The following TMEM135 variants were observed in gnomAD, a reference collection of about 807,000 sequenced individuals.
TMEM135 encodes transmembrane protein 135.
TMEM135 carries 30 observed loss-of-function variants against 60.3 expected under a neutral mutation model. That is an observed-to-expected ratio of 0.50 (90% CI 0.37 to 0.68). The LOEUF (loss-of-function observed/expected upper bound fraction) is 0.68. Among genes scored for constraint, TMEM135 ranks in the 30% least tolerant of loss-of-function variants. The pLI, the probability that TMEM135 is intolerant of heterozygous loss-of-function variation, is 0.00. For missense variants in TMEM135, 468 were observed against 548.8 expected (o/e 0.85, Z 1.47); for synonymous variants, 190 against 186.7 (o/e 1.02, Z -0.14).
intron 7 of TMEM135, among the ~76,000 whole-genome samples, 200 bp downstream of exon 7, chr11:87,296,023 C>T (rs1006367570): frequency 2.0e-5 from 3 of 152,242 alleles, no homozygotes; most frequent in African/African-American, 7.2e-5. Flanking sequence ...AATTAATCAA[C>T]GACTTCTTTT....
chr11:87,064,955 T>C (rs1220230405), intron 1 of TMEM135, among the ~76,000 whole-genome samples: 4 of 151,396 alleles, frequency 2.6e-5, no homozygotes, highest in African/African-American at 9.7e-5. Context: ...GATTAGCTTT[T>C]TTTTTTTCCC....
At chr11:87,228,073 A>C (rs1169834164) in intron 5 of TMEM135, among the ~76,000 whole-genome samples, 9 of 152,332 alleles carry the variant, frequency 5.9e-5, no homozygotes, top group African/African-American at 2.2e-4. Flanking sequence ...TAATTAAAAT[A>C]ACAATATAAT....
intron 4 of TMEM135, among the ~76,000 whole-genome samples, chr11:87,114,432 A>C (rs1857826744): frequency 6.6e-6 from 1 of 152,176 alleles, no homozygotes; most frequent in Non-Finnish European, 1.5e-5. Flanking sequence ...AAGAAAAACA[A>C]TTACAAGCTC....
chr11:87,311,955 C>T (rs1333413497), intron 10 of TMEM135, among the ~76,000 whole-genome samples: 12 of 151,732 alleles, frequency 7.9e-5, no homozygotes, highest in Admixed American at 5.3e-4. Flanking sequence ...CATTCTTTCA[C>T]TTTTTCTGTC....
chr11:87,258,787 T>C, intron 6 of TMEM135: 1 of 540,940 alleles, frequency 1.8e-6, no homozygotes, highest in East Asian at 3.2e-5. Flanking sequence ...TAATCAGCAG[T>C]TCAAACACAA....
intron 5 of TMEM135, among the ~76,000 whole-genome samples, chr11:87,209,992 A>G (rs776245043): frequency 2.6e-5 from 4 of 152,194 alleles, no homozygotes; most frequent in Non-Finnish European, 4.4e-5. Context: ...CAGAGACACA[A>G]TATACCAGAA....
chr11:87,270,351 G>T (rs1034105550), intron 6 of TMEM135, among the ~76,000 whole-genome samples: 2 of 151,860 alleles, frequency 1.3e-5, no homozygotes, highest in South Asian at 2.1e-4. Context: ...TTAGTTTAAT[G>T]AGATCCCATT....
chr11:87,200,990 T>C (rs530004159), intron 5 of TMEM135, among the ~76,000 whole-genome samples: 158 of 152,364 alleles, frequency 1.0e-3, no homozygotes, highest in African/African-American at 3.4e-3. Context: ...TTTTTGGTGC[T>C]GAATATTAAT....
At chr11:87,265,368 A>G (rs772203207) in intron 6 of TMEM135, among the ~76,000 whole-genome samples, 2 of 152,050 alleles carry the variant, frequency 1.3e-5, no homozygotes, top group Admixed American at 6.5e-5. Flanking sequence ...TCATCCATGA[A>G]GAATACTGGA....
chr11:87,310,468 G>A (rs550235434), intron 10 of TMEM135, among the ~76,000 whole-genome samples: 247 of 152,084 alleles, frequency 1.6e-3, no homozygotes, highest in African/African-American at 5.4e-3. Context: ...AAGTCACTGG[G>A]GGCTTCTAGA....
intron 4 of TMEM135, among the ~76,000 whole-genome samples, chr11:87,136,134 T>A (rs10792908): frequency 0.12 from 18,410 of 151,960 alleles, 1,443 homozygotes; most frequent in African/African-American, 0.21. Flanking sequence ...TGTTTCATAG[T>A]ATCCTCTATA....
At chr11:87,172,609 A>G (rs551158939) in intron 5 of TMEM135, among the ~76,000 whole-genome samples, 4 of 152,158 alleles carry the variant, frequency 2.6e-5, no homozygotes, top group African/African-American at 9.6e-5. Flanking sequence ...TCTATTTCTT[A>G]AAGTTTAACA....
At chr11:87,182,090 A>G (rs1407653715) in intron 5 of TMEM135, among the ~76,000 whole-genome samples, 3 of 151,962 alleles carry the variant, frequency 2.0e-5, no homozygotes, top group Non-Finnish European at 4.4e-5. Flanking sequence ...TAATATTTTT[A>G]TATGTAATAT....
intron 4 of TMEM135, chr11:87,095,654 G>C (rs888061424): frequency 5.1e-6 from 1 of 195,422 alleles, no homozygotes; most frequent in Non-Finnish European, 1.1e-5. Context: ...TTGGATACTA[G>C]GATTTGCAGG....
chr11:87,064,077 A>G (rs2512357), intron 1 of TMEM135, among the ~76,000 whole-genome samples: 48,314 of 151,832 alleles, frequency 0.32, 8,953 homozygotes, highest in East Asian at 0.59. Context: ...TTATATTGTC[A>G]TGAGCAATAT....
chr11:87,073,090 C>T (rs1460242926), intron 3 of TMEM135, among the ~76,000 whole-genome samples: 1 of 152,142 alleles, frequency 6.6e-6, no homozygotes, highest in Admixed American at 6.6e-5. Context: ...GGCTGGAGTG[C>T]AGTTGTGCGA....
intron 5 of TMEM135, among the ~76,000 whole-genome samples, chr11:87,215,307 A>C (rs919744645): frequency 6.6e-6 from 1 of 152,184 alleles, no homozygotes; most frequent in African/African-American, 2.4e-5. Flanking sequence ...AACTACCCCA[A>C]AACTTACTGG....
At chr11:87,088,932 G>A (rs1379838577) in intron 3 of TMEM135, among the ~76,000 whole-genome samples, 1 of 152,172 alleles carries the variant, frequency 6.6e-6, no homozygotes, top group Non-Finnish European at 1.5e-5. Flanking sequence ...GATGCCATAA[G>A]TGGAAAATTT....
chr11:87,252,974 A>T (rs1025973573), intron 6 of TMEM135, among the ~76,000 whole-genome samples: 1 of 152,048 alleles, frequency 6.6e-6, no homozygotes, highest in African/African-American at 2.4e-5. Flanking sequence ...AAGTATTGAG[A>T]TTGTTAGGAG....
Sources: allele counts gnomAD v4.1 joint callset (sites outside exome capture counted in the v4.1 genomes callset), GRCh38; gene constraint gnomAD v4.1.1; transcripts MANE v1.5; gene names NCBI Gene and HGNC (gene_info 2026-07-23, HGNC 2026-07-21).